DYNLT2: variants seen among roughly 807,000 people sequenced by gnomAD.
DYNLT2 encodes the protein dynein light chain Tctex-type protein 2.
Under a neutral mutation model 24.3 loss-of-function variants are expected in DYNLT2, and 24 were observed. The observed-to-expected ratio is 0.99, with a 90% confidence interval of 0.71 to 1.39. DYNLT2 has a LOEUF of 1.39. Ranked by LOEUF, DYNLT2 falls within the 40% of genes most tolerant of loss-of-function variation. The probability of loss-of-function intolerance (pLI) is 0.00; values close to 1 mark genes in which losing one functional copy is unlikely to be tolerated. For missense variants in DYNLT2, 246 were observed against 234.5 expected (o/e 1.05, Z -0.32); for synonymous variants, 85 against 85.4 (o/e 1.00, Z 0.03).
At chr6:169,744,407 A>T in intron 1 of DYNLT2, 133 bp from the exon 2 acceptor site, 1 of 745,456 alleles carries the variant, frequency 1.3e-6, no homozygotes, top group East Asian at 2.7e-5. Flanking sequence ...TGTTAAACAG[A>T]TTTCTACAAT....
the DYNLT2 span, among the ~76,000 whole-genome samples, chr6:169,727,345 T>A: frequency 6.6e-6 from 1 of 152,262 alleles, no homozygotes; most frequent in Admixed American, 6.5e-5. Context: ...TAGCACATGT[T>A]GGTATACTGA....
the DYNLT2 span, among the ~76,000 whole-genome samples, chr6:169,733,542 G>T: frequency 6.6e-6 from 1 of 152,026 alleles, no homozygotes; most frequent in Non-Finnish European, 1.5e-5. Flanking sequence ...CTGAATAGGA[G>T]ATCCTTTTCC....
intron 1 of DYNLT2, chr6:169,750,028 T>C (rs1453472129): frequency 2.0e-5 from 3 of 152,212 alleles, no homozygotes; most frequent in Non-Finnish European, 2.9e-5. Flanking sequence ...AAGAATCAAC[T>C]TTAAAGATAG....
At chr6:169,741,846 TATC>T (rs929201008) in intron 3 of DYNLT2, among the ~76,000 whole-genome samples, 2 of 152,168 alleles carry the variant, frequency 1.3e-5, no homozygotes, top group African/African-American at 4.8e-5. Flanking sequence ...TTGTAGCACT[TATC>T]ATCTACAACG....
At chr6:169,734,558 C>G in the DYNLT2 span, among the ~76,000 whole-genome samples, 3 of 152,148 alleles carry the variant, frequency 2.0e-5, no homozygotes, top group Non-Finnish European at 2.9e-5. Flanking sequence ...TGGTTTTTGT[C>G]TTTGGTTCTG....
At chr6:169,733,224 A>G in the DYNLT2 span, among the ~76,000 whole-genome samples, 1 of 151,748 alleles carries the variant, frequency 6.6e-6, no homozygotes, top group African/African-American at 2.4e-5. Flanking sequence ...ATTTTCTCCC[A>G]TTCTGTAGGT....
chr6:169,725,270 T>G, the DYNLT2 span: 1 of 398,698 alleles, frequency 2.5e-6, no homozygotes, highest in South Asian at 1.3e-4. Flanking sequence ...GAGAATGTTC[T>G]CGGATTTAAA....
chr6:169,747,876 A>G (rs1384779240), intron 1 of DYNLT2, among the ~76,000 whole-genome samples: 8 of 152,162 alleles, frequency 5.3e-5, no homozygotes. Context: ...TATAGGCTGG[A>G]TATTTTTGTA....
chr6:169,738,384 C>T (rs80279928), downstream of DYNLT2, among the ~76,000 whole-genome samples: 112 of 152,340 alleles, frequency 7.4e-4, no homozygotes, highest in East Asian at 8.7e-3. Flanking sequence ...TACGAATCTG[C>T]GCGTTCCAGG....
At chr6:169,727,788 C>T in the DYNLT2 span, among the ~76,000 whole-genome samples, 2 of 152,190 alleles carry the variant, frequency 1.3e-5, no homozygotes, top group Non-Finnish European at 2.9e-5. Flanking sequence ...TGGTCTCGAT[C>T]TCCTGACCTC....
chr6:169,731,835 A>G, the DYNLT2 span, among the ~76,000 whole-genome samples: 1 of 152,218 alleles, frequency 6.6e-6, no homozygotes, highest in African/African-American at 2.4e-5. Context: ...GAGAAAGAAC[A>G]GAACTAAAGG....
chr6:169,742,930 A>G, intron 3 of DYNLT2, 150 bp downstream of exon 3: 1 of 655,072 alleles, frequency 1.5e-6, no homozygotes, highest in Non-Finnish European at 2.3e-6. Flanking sequence ...TTACAGTGAA[A>G]TAAATATACT....
At chr6:169,745,395 C>G (rs1421177908) in intron 1 of DYNLT2, among the ~76,000 whole-genome samples, 1 of 152,144 alleles carries the variant, frequency 6.6e-6, no homozygotes, top group Admixed American at 6.5e-5. Flanking sequence ...AGCCACTGCA[C>G]CCAGCATTTG....
the DYNLT2 span, among the ~76,000 whole-genome samples, chr6:169,734,461 A>C: frequency 3.3e-5 from 5 of 152,310 alleles, no homozygotes; most frequent in African/African-American, 1.2e-4. Context: ...CTGTTCCATC[A>C]ATACCTAGTT....
intron 3 of DYNLT2, among the ~76,000 whole-genome samples, chr6:169,742,672 C>G (rs563163425): frequency 3.3e-5 from 5 of 152,158 alleles, no homozygotes; most frequent in South Asian, 2.1e-4. Context: ...GAACTCGGGC[C>G]ACTGCAACCT....
In DYNLT2 at chr6:169,741,881, T is replaced by C. The variant is rs6933182; in HGVS notation, c.486+1199A>G. Among the ~76,000 whole-genome samples, 600 of 152,240 alleles carry C rather than the reference T, an allele frequency of 3.9e-3. 3 individuals carry two copies. The highest frequency in any genetic ancestry group is 0.013 in the African/African-American group (549 of 41,544). On this transcript the variant is annotated intron_variant, in intron 3 of 3. Coordinates refer to ENST00000366774, the MANE Select transcript of DYNLT2 (RefSeq NM_174910.3). Reference sequence around the variant, plus strand: ...AACGTCCCTATTTCTTAAGTCTGTATGTCATATGTGGTGCAGCTTCTCTTC... The same window carrying C: ...AACGTCCCTATTTCTTAAGTCTGTACGTCATATGTGGTGCAGCTTCTCTTC...
At chr6:169,748,546 C>T (rs1314539004) in intron 1 of DYNLT2, among the ~76,000 whole-genome samples, 1 of 152,180 alleles carries the variant, frequency 6.6e-6, no homozygotes, top group Non-Finnish European at 1.5e-5. Context: ...ATAAATAAAT[C>T]TCTTCTTGTG....
chr6:169,736,808 A>T (rs556520953), downstream of DYNLT2, among the ~76,000 whole-genome samples: 6 of 152,108 alleles, frequency 3.9e-5, no homozygotes, highest in East Asian at 1.2e-3. Flanking sequence ...TGATCTTCTC[A>T]TGGAGTATCT....
intron 1 of DYNLT2, among the ~76,000 whole-genome samples, chr6:169,746,875 T>C (rs564078461): frequency 6.6e-6 from 1 of 151,368 alleles, no homozygotes; most frequent in South Asian, 2.1e-4. Context: ...TTTGTTTTTT[T>C]CCCTACTTGC....
Sources: allele counts gnomAD v4.1 joint callset (sites outside exome capture counted in the v4.1 genomes callset), GRCh38; gene constraint gnomAD v4.1.1; transcripts MANE v1.5; gene names NCBI Gene and HGNC (gene_info 2026-07-23, HGNC 2026-07-21).